Variants in ADNP2 observed in about 807,000 individuals in gnomAD.
ADNP2 encodes ADNP homeobox 2, also known as activity-dependent neuroprotector homeobox protein 2.
Under a neutral mutation model 16.4 loss-of-function variants are expected in ADNP2, and 8 were observed. That is an observed-to-expected ratio of 0.49 (90% confidence interval 0.29 to 0.88). ADNP2 has a LOEUF of 0.88. Among genes scored for constraint, ADNP2 ranks in the 40% least tolerant of loss-of-function variants. The pLI, the probability that ADNP2 is intolerant of heterozygous loss-of-function variation, is 0.09. For synonymous variants in ADNP2, 637 were observed against 545.8 expected, an observed-to-expected ratio of 1.17 and a Z score of -2.33; for missense variants, 1,397 against 1,395.1, an observed-to-expected ratio of 1.00 and a Z score of -0.02.
chr18:80,111,453 C>T (rs954848750), intron 1 of ADNP2, among the ~76,000 whole-genome samples: 1 of 152,056 alleles, frequency 6.6e-6, no homozygotes, highest in Admixed American at 6.6e-5. Flanking sequence ...TAAACCCGGG[C>T]ACACAACTCC....
chr18:80,137,255 C>T lies in ADNP2; in HGVS notation c.1842C>T (p.Thr614=). The change falls in exon 4 of 4, where the codon ACC becomes ACT. Residue 614 remains threonine (T), a synonymous_variant. Coordinates refer to ENST00000262198, the MANE Select transcript of ADNP2 (RefSeq NM_014913.4). The surrounding 1 kb of genome is among the most constrained non-coding windows in gnomAD (Gnocchi z 4.2). ...GGAAACAAGTGAATGGGATTCCAAC[C>T]TACACGCTGGCCCCCGTGTCTGTCA... ...PTGKQVNGIP[T]YTLAPVSVTL... The T allele has an allele frequency of 6.2e-7, 1 of 1,614,196 alleles. No individual in the cohort carries two copies. The highest frequency in any genetic ancestry group is 8.5e-7 in the Non-Finnish European group (1 of 1,180,038).
In ADNP2 at chr18:80,137,316, G is replaced by C. The variant is rs756779089; in HGVS notation, c.1903G>C (p.Ala635Pro). Residue 635 changes from alanine (A) to proline (P), a missense_variant, in exon 4 of 4, where the codon GCT (alanine) becomes CCT (proline). Around this residue, in one of 3 missense-constraint regions of ADNP2, gnomAD observed 611 missense variants for 648.7 expected, o/e 0.94. Transcript: ENST00000262198. This position sits in a 1 kb window ranked among gnomAD's most constrained non-coding sequence, Gnocchi z 4.2. Reference sequence around the variant, plus strand: ...TCCCCCTGGAGGCCTTGCGACTGTCGCTCCGCCCCAGATGCCCATCCAGCT... The same window carrying C: ...TCCCCCTGGAGGCCTTGCGACTGTCCCTCCGCCCCAGATGCCCATCCAGCT... Reference protein sequence around the residue: ...PVPPGGLATVAPPQMPIQLLP... With the variant: ...PVPPGGLATVPPPQMPIQLLP... The C allele has an allele frequency of 2.5e-6, 4 of 1,613,862 alleles. No homozygotes were observed. The highest frequency in any genetic ancestry group is 3.4e-6 in the Non-Finnish European group (4 of 1,179,910).
rs1443394419 is a variant in ADNP2, at chr18:80,139,784, C to T, written c.*975C>T. ...CAGCATAGGGTTTCAGGGGACATGGCGAAGTTTACAGACTGAGATCTCAGT... is the reference window on the plus strand; with the variant it reads ...CAGCATAGGGTTTCAGGGGACATGGTGAAGTTTACAGACTGAGATCTCAGT... On this transcript the variant is annotated 3_prime_UTR_variant, in exon 4 of 4. Coordinates refer to ENST00000262198, the MANE Select transcript of ADNP2 (RefSeq NM_014913.4). 6.6e-6 allele frequency: 1 copy of T among 152,134 alleles called. No homozygotes were observed. Among genetic ancestry groups the T allele is most frequent in the African/African-American group, 2.4e-5 (1 of 41,348 alleles). 9.4% of individuals were successfully genotyped at this position (152,134 alleles called of 1,614,324 possible).
At chr18:80,121,446 G>A (rs746818141) in intron 2 of ADNP2, among the ~76,000 whole-genome samples, 6 of 152,182 alleles carry the variant, frequency 3.9e-5, no homozygotes, top group Non-Finnish European at 8.8e-5. Flanking sequence ...GTATTAAACC[G>A]TTATCAAATA....
At chr18:80,129,229 A>G (rs1161005965) in intron 2 of ADNP2, among the ~76,000 whole-genome samples, 1 of 149,172 alleles carries the variant, frequency 6.7e-6, no homozygotes, top group Admixed American at 6.7e-5. Context: ...TCAGCCTCCC[A>G]TGTAGCTGGG....
At chr18:80,112,239 A>T (rs1225662834) in intron 1 of ADNP2, among the ~76,000 whole-genome samples, 2 of 152,188 alleles carry the variant, frequency 1.3e-5, no homozygotes, top group Non-Finnish European at 2.9e-5. Context: ...ATTTTATCTT[A>T]GGATTGATAA....
chr18:80,118,725 T>G (rs1395176743), intron 2 of ADNP2, among the ~76,000 whole-genome samples: 1 of 152,244 alleles, frequency 6.6e-6, no homozygotes, highest in African/African-American at 2.4e-5. Context: ...GCTCGTGAAC[T>G]TTTGCTTCCT....
chr18:80,121,358 T>C (rs565273609), intron 2 of ADNP2, among the ~76,000 whole-genome samples: 2 of 152,386 alleles, frequency 1.3e-5, no homozygotes, highest in African/African-American at 4.8e-5. Context: ...AAAATGCCTG[T>C]TGGCAGGTTC....
chr18:80,113,460 T>C (rs761712465), intron 1 of ADNP2, among the ~76,000 whole-genome samples: 1 of 152,210 alleles, frequency 6.6e-6, no homozygotes, highest in African/African-American at 2.4e-5. Context: ...GGTTTTACTT[T>C]TGCCAAATAA....
rs546420762 is a variant in ADNP2, at chr18:80,109,699, C to T, written c.-14+227C>T. 6.6e-4 allele frequency: 100 copies of T among 150,772 alleles called. 1 individual carries two copies. The highest frequency in any genetic ancestry group is 2.1e-3 in the African/African-American group (88 of 41,330). The allele number at this position is 150,772 out of a possible 1,614,324, so 9.3% of individuals were successfully genotyped here. A position where few individuals can be genotyped will look rare whatever the true frequency, so the allele number is the denominator to read the frequency against. On this transcript the variant is annotated intron_variant, in intron 1 of 3. Coordinates refer to ENST00000262198, the MANE Select transcript of ADNP2 (RefSeq NM_014913.4). ...GGCGCCCGTCGACCCCCGACGCGCC[C>T]GCGGCCCGCCCCGCCCGCCGCCGGT...
At position 80,137,927 on chromosome 18, in the gene ADNP2, A is replaced by C. The variant is rs779653128; in HGVS notation, c.2514A>C (p.Glu838Asp). The change falls in exon 4 of 4, where the codon GAA becomes GAC. Residue 838 changes from glutamate (E) to aspartate (D), a missense_variant. By Grantham distance (45) the Glu-to-Asp change is conservative. Coordinates refer to ENST00000262198, the MANE Select transcript of ADNP2 (RefSeq NM_014913.4). This position sits in a 1 kb window ranked among gnomAD's most constrained non-coding sequence, Gnocchi z 4.2. ...CAAAGGAGAAGCTTGGGGAGCGGGA[A>C]GTCTACTTGGCAATCCTGGCTGGGA... is the stretch of plus-strand genomic sequence containing the variant. ...ILPKEKLGER[E>D]VYLAILAGIH... The C allele has an allele frequency of 6.2e-7, 1 of 1,613,578 alleles. No homozygotes were observed. The highest frequency in any genetic ancestry group is 8.5e-7 in the Non-Finnish European group (1 of 1,180,012).
At chr18:80,130,657 G>A (rs566716009) in intron 2 of ADNP2, among the ~76,000 whole-genome samples, 1 of 152,128 alleles carries the variant, frequency 6.6e-6, no homozygotes, top group Non-Finnish European at 1.5e-5. Flanking sequence ...CTGCCGCCCT[G>A]CACTTCATCA....
chr18:80,117,413 C>A, intron 1 of ADNP2, 117 bp from the exon 2 acceptor site: 1 of 564,678 alleles, frequency 1.8e-6, no homozygotes, highest in Non-Finnish European at 2.9e-6. Context: ...ACTCGTTCTA[C>A]AACAATTTGT....
At chr18:80,128,785 CT>C (rs773588104) in intron 2 of ADNP2, among the ~76,000 whole-genome samples, 16 of 151,148 alleles carry the variant, frequency 1.1e-4, no homozygotes, top group South Asian at 4.2e-4. Flanking sequence ...TTTTCTGTAG[CT>C]TTTTTTTTAA....
chr18:80,111,687 G>A (rs1286897021), intron 1 of ADNP2, among the ~76,000 whole-genome samples: 2 of 150,550 alleles, frequency 1.3e-5, no homozygotes, highest in Admixed American at 6.7e-5. Flanking sequence ...CTGCCTCAGC[G>A]TCCCGAGTAG....
At chr18:80,135,517 A>G in intron 3 of ADNP2, 95 bp from the exon 4 acceptor site, 1 of 1,247,534 alleles carries the variant, frequency 8.0e-7, no homozygotes, top group Non-Finnish European at 1.1e-6. Context: ...TGCCTAGCAC[A>G]TTAGAAGAAA....
At chr18:80,121,458 G>A (rs781025351) in intron 2 of ADNP2, among the ~76,000 whole-genome samples, 5 of 152,170 alleles carry the variant, frequency 3.3e-5, no homozygotes, top group Admixed American at 6.5e-5. Flanking sequence ...TATCAAATAC[G>A]TGATTTGCAT....
intron 2 of ADNP2, among the ~76,000 whole-genome samples, chr18:80,123,269 T>C (rs2052436739): frequency 6.6e-6 from 1 of 152,240 alleles, no homozygotes; most frequent in Non-Finnish European, 1.5e-5. Flanking sequence ...TAAGGAATAT[T>C]GGTTTTTAAT....
At chr18:80,109,976 C>T (rs1250313068) in intron 1 of ADNP2, 7 of 152,902 alleles carry the variant, frequency 4.6e-5, no homozygotes, top group Non-Finnish European at 8.8e-5. Flanking sequence ...ACCGGGTTCT[C>T]CTGGAAGCTT....
Sources: allele counts gnomAD v4.1 joint callset (sites outside exome capture counted in the v4.1 genomes callset), GRCh38; gene constraint gnomAD v4.1.1; regional missense constraint gnomAD v4.1.1; non-coding constraint Gnocchi (gnomAD v3.1); transcripts MANE v1.5; gene names NCBI Gene and HGNC (gene_info 2026-07-23, HGNC 2026-07-21).